Variants in MARCHF1 observed in about 807,000 individuals in gnomAD.
MARCHF1 encodes membrane associated ring-CH-type finger 1.
In MARCHF1, 40 loss-of-function variants were observed where a neutral mutation model predicts 54.2. That is an observed-to-expected ratio of 0.74 (90% confidence interval 0.57 to 0.96). The LOEUF is 0.96. MARCHF1 is among the 40% of genes least tolerant of loss of function. The pLI, the probability that MARCHF1 is intolerant of heterozygous loss-of-function variation, is 0.00. For missense variants in MARCHF1, 586 were observed against 656.5 expected, an observed-to-expected ratio of 0.89 and a Z score of 1.17; for synonymous variants, 236 against 236.3, an observed-to-expected ratio of 1.00 and a Z score of 0.01.
At chr4:163,830,250 CT>C (rs1304419311) in intron 4 of MARCHF1, among the ~76,000 whole-genome samples, 1 of 150,800 alleles carries the variant, frequency 6.6e-6, no homozygotes, top group Non-Finnish European at 1.5e-5. Context: ...TTTTACGCTG[CT>C]TTTTTCTTAA....
intron 4 of MARCHF1, among the ~76,000 whole-genome samples, chr4:163,748,324 G>T (rs959416721): frequency 6.7e-6 from 1 of 150,322 alleles, no homozygotes; most frequent in Non-Finnish European, 1.5e-5. Context: ...CTAGACAAGA[G>T]AATGAGGTAA....
intron 5 of MARCHF1, among the ~76,000 whole-genome samples, chr4:163,643,432 C>G (rs575764164): frequency 6.6e-6 from 1 of 152,182 alleles, no homozygotes; most frequent in African/African-American, 2.4e-5. Flanking sequence ...GCTTTAGCAG[C>G]CTCAAACTCC....
intron 1 of MARCHF1, among the ~76,000 whole-genome samples, chr4:164,354,563 A>ATTTTT: frequency 7.4e-6 from 1 of 136,040 alleles, no homozygotes; most frequent in Non-Finnish European, 1.6e-5. Context: ...AAATTCAACA[A>ATTTTT]CCCTTCATGC....
At chr4:163,559,126 GTC>G (rs1367311703) in intron 8 of MARCHF1, among the ~76,000 whole-genome samples, 1 of 151,916 alleles carries the variant, frequency 6.6e-6, no homozygotes, top group African/African-American at 2.4e-5. Flanking sequence ...CTATTTCTAT[GTC>G]TCTTTCAACT....
intron 1 of MARCHF1, among the ~76,000 whole-genome samples, chr4:164,350,021 A>G (rs1168478004): frequency 1.3e-5 from 2 of 152,252 alleles, no homozygotes; most frequent in Non-Finnish European, 2.9e-5. Flanking sequence ...GTCATAGAAC[A>G]TATTTTGCAT....
chr4:164,137,617 T>G (rs796447766), intron 1 of MARCHF1, among the ~76,000 whole-genome samples: 41 of 152,170 alleles, frequency 2.7e-4, no homozygotes, highest in South Asian at 6.2e-4. Context: ...TCAGGTTATA[T>G]GAGAATATAT....
intron 2 of MARCHF1, among the ~76,000 whole-genome samples, chr4:164,006,350 A>T (rs868578112): frequency 6.6e-6 from 1 of 152,180 alleles, no homozygotes; most frequent in Non-Finnish European, 1.5e-5. Context: ...GAGGCTCTCA[A>T]CAGTAGAGTG....
chr4:163,845,474 C>T lies in MARCHF1; in HGVS notation c.111+8547G>A, dbSNP rs866523938. 8.3e-3 allele frequency among the ~76,000 whole-genome samples: 1,256 copies of T among 150,948 alleles called. 25 individuals are homozygous for T. Among genetic ancestry groups the T allele is most frequent in the African/African-American group, 0.028 (1,165 of 41,204 alleles). ...TGCACCTCAGTTACACACACACACA[C>T]ACACACACACACACACACACACACA... On this transcript the variant is annotated intron_variant, in intron 4 of 9. Transcript: ENST00000514618.
chr4:163,973,041 C>T lies in MARCHF1; in HGVS notation c.-39+15460G>A, dbSNP rs533187773. 1.1e-4 allele frequency among the ~76,000 whole-genome samples: 16 copies of T among 152,204 alleles called. No individual in the cohort carries two copies. In the East Asian group the frequency reaches 2.7e-3, roughly 26 times the overall value. On this transcript the variant is annotated intron_variant, in intron 3 of 9. Transcript: ENST00000514618. ...TAAATGTGGTATTAAAATAGATTGT[C>T]ACATCCTTTCAAAAAACATAGTGTT...
At chr4:163,887,501 G>A (rs1290442710) in intron 3 of MARCHF1, among the ~76,000 whole-genome samples, 1 of 152,104 alleles carries the variant, frequency 6.6e-6, no homozygotes, top group East Asian at 1.9e-4. Flanking sequence ...CCCAGAACCT[G>A]TTAGAGACGT....
chr4:164,179,985 A>C (rs757920956), intron 1 of MARCHF1, among the ~76,000 whole-genome samples: 7 of 149,446 alleles, frequency 4.7e-5, no homozygotes, highest in Admixed American at 2.0e-4. Context: ...AAAACTTCTG[A>C]TGTTGGACAT....
At chr4:163,976,578 C>T (rs960687828) in intron 3 of MARCHF1, among the ~76,000 whole-genome samples, 1 of 152,104 alleles carries the variant, frequency 6.6e-6, no homozygotes, top group Non-Finnish European at 1.5e-5. Context: ...TTGTTTTAAC[C>T]AATAGGCTAC....
chr4:164,253,333 A>G (rs1473194684), intron 1 of MARCHF1, among the ~76,000 whole-genome samples: 2 of 152,178 alleles, frequency 1.3e-5, no homozygotes, highest in Non-Finnish European at 2.9e-5. Flanking sequence ...TAGAAAGTGG[A>G]CTACTCAACC....
chr4:164,199,580 A>G (rs111281733), intron 1 of MARCHF1, among the ~76,000 whole-genome samples: 2,077 of 146,756 alleles, frequency 0.014, 48 homozygotes, highest in African/African-American at 0.05. Context: ...AGACTGCAGT[A>G]AGCGGAGATC....
At position 163,685,414 on chromosome 4, in the gene MARCHF1, T is replaced by C. The variant is rs1004171032; in HGVS notation, c.162+15399A>G. On this transcript the variant is annotated intron_variant, in intron 5 of 9. Coordinates refer to ENST00000514618, the MANE Select transcript of MARCHF1 (RefSeq NM_001394959.1). ...TAGCAAAATAAGTCTCCCAATCTTT[T>C]CTTAATACAACTGCATTAATTCTCC... 3.2e-4 allele frequency among the ~76,000 whole-genome samples: 49 copies of C among 152,220 alleles called. 1 individual carries two copies. The highest frequency in any genetic ancestry group is 2.5e-3 in the Admixed American group (38 of 15,278).
chr4:163,555,860 A>G, intron 8 of MARCHF1: 1 of 445,480 alleles, frequency 2.2e-6, no homozygotes, highest in Admixed American at 2.4e-5. Flanking sequence ...TCTTCAGTGA[A>G]CAGCTATGGC....
intron 1 of MARCHF1, among the ~76,000 whole-genome samples, chr4:164,201,213 TG>T (rs1403121100): frequency 1.0e-4 from 1 of 9,624 alleles, no homozygotes. Flanking sequence ...TACATGGTTT[TG>T]TTTTGTTTTG....
intron 3 of MARCHF1, among the ~76,000 whole-genome samples, chr4:163,877,732 C>T (rs1034571167): frequency 6.6e-6 from 1 of 152,148 alleles, no homozygotes; most frequent in African/African-American, 2.4e-5. Flanking sequence ...AACTTGGGCA[C>T]GTCTCACCTT....
intron 8 of MARCHF1, among the ~76,000 whole-genome samples, chr4:163,577,378 C>A (rs1396180906): frequency 6.6e-6 from 1 of 151,974 alleles, no homozygotes; most frequent in African/African-American, 2.4e-5. Flanking sequence ...ATTGAAATTT[C>A]TTTTGTTTAA....
Sources: allele counts gnomAD v4.1 joint callset (sites outside exome capture counted in the v4.1 genomes callset), GRCh38; gene constraint gnomAD v4.1.1; transcripts MANE v1.5; gene names NCBI Gene and HGNC (gene_info 2026-07-23, HGNC 2026-07-21).